The following EZH2 variants were observed in gnomAD, a reference collection of about 807,000 sequenced individuals.
The protein encoded by EZH2 is histone-lysine N-methyltransferase EZH2.
In EZH2, 18 loss-of-function variants were observed where a neutral mutation model predicts 98.4. That is an observed-to-expected ratio of 0.18 (90% CI 0.13 to 0.27). The LOEUF (loss-of-function observed/expected upper bound fraction) is 0.27. Among genes scored for constraint, EZH2 ranks in the 10% least tolerant of loss-of-function variants. The probability of loss-of-function intolerance (pLI) is 1.00; values close to 1 mark genes in which losing one functional copy is unlikely to be tolerated. For missense variants in EZH2, 470 were observed against 935.1 expected (o/e 0.50, Z 6.49); for synonymous variants, 338 against 312.3 (o/e 1.08, Z -0.87).
chr7:148,817,183 T>G, intron 11 of EZH2, 39 bp downstream of exon 11: 1 of 1,582,526 alleles, frequency 6.3e-7, no homozygotes, highest in Non-Finnish European at 8.6e-7. Flanking sequence ...ATCTCTATGT[T>G]TGAAGCTCTT....
In EZH2 at chr7:148,829,855, G is replaced by A. The variant is rs192314407; in HGVS notation, c.364-7C>T. ...AAACAGTTTCATCTTCCACCTAAAA[G>A]AAAAAAATATATTTAAAAAGCAGGT... On this transcript the variant is annotated splice_polypyrimidine_tract_variant and splice_region_variant and intron_variant, in intron 4 of 19. Transcript: ENST00000320356. 6 of 1,537,562 alleles carry A rather than the reference G, an allele frequency of 3.9e-6. No individual in the cohort carries two copies. The highest frequency in any genetic ancestry group is 2.8e-5 in the African/African-American group (2 of 71,390).
At chr7:148,852,111 T>C (rs969261936) in intron 1 of EZH2, among the ~76,000 whole-genome samples, 4 of 152,168 alleles carry the variant, frequency 2.6e-5, no homozygotes, top group African/African-American at 7.2e-5. Context: ...TCTACCTGTA[T>C]ACAGTGAAAC....
At chr7:148,867,903 G>C (rs893320349) in intron 1 of EZH2, among the ~76,000 whole-genome samples, 1 of 152,294 alleles carries the variant, frequency 6.6e-6, no homozygotes, top group East Asian at 1.9e-4. Flanking sequence ...CAGATCCCTA[G>C]AGCAGGAGCA....
intron 4 of EZH2, among the ~76,000 whole-genome samples, chr7:148,831,683 A>G (rs1436397962): frequency 6.6e-6 from 1 of 152,238 alleles, no homozygotes; most frequent in Non-Finnish European, 1.5e-5. Context: ...ACAACTACAG[A>G]AGAGTAACTG....
chr7:148,823,891 A>G (rs969764185), intron 8 of EZH2, among the ~76,000 whole-genome samples: 12 of 152,194 alleles, frequency 7.9e-5, no homozygotes. Flanking sequence ...AATAGCTAAC[A>G]AGAGCCAGGT....
intron 1 of EZH2, among the ~76,000 whole-genome samples, chr7:148,848,983 C>G (rs974725466): frequency 6.6e-6 from 1 of 152,010 alleles, no homozygotes; most frequent in African/African-American, 2.4e-5. Flanking sequence ...TTTAAATCAC[C>G]TCTAGATTAC....
chr7:148,813,134 C>T (rs1803604730), intron 15 of EZH2, among the ~76,000 whole-genome samples: 1 of 152,012 alleles, frequency 6.6e-6, no homozygotes, highest in South Asian at 2.1e-4. Flanking sequence ...ATCTCCTGCT[C>T]CTTTACAAGT....
intron 1 of EZH2, among the ~76,000 whole-genome samples, chr7:148,855,685 G>A (rs907668830): frequency 6.6e-6 from 1 of 151,994 alleles, no homozygotes; most frequent in Non-Finnish European, 1.5e-5. Flanking sequence ...GGATCATGAG[G>A]TCAAGAGTTC....
chr7:148,851,249 G>C (rs1365039937), intron 1 of EZH2, among the ~76,000 whole-genome samples: 1 of 151,952 alleles, frequency 6.6e-6, no homozygotes, highest in Non-Finnish European at 1.5e-5. Flanking sequence ...TAAATCGCAG[G>C]GTCAGTTAGG....
chr7:148,860,798 GGT>G (rs1817557026), intron 1 of EZH2, among the ~76,000 whole-genome samples: 1 of 152,058 alleles, frequency 6.6e-6, no homozygotes, highest in Non-Finnish European at 1.5e-5. Flanking sequence ...CAACTTCCCA[GGT>G]AGCTGGGACC....
rs1213529132 is a variant in EZH2, at chr7:148,859,063, A to G, written c.-7-11758T>C. On this transcript the variant is annotated intron_variant, in intron 1 of 19. Transcript: ENST00000320356. ...TTGAGTTTGCAGTTGAATAAAGAAAAGAAGGGTTAATATGCATTCATTAAG... is the reference window on the plus strand; with the variant it reads ...TTGAGTTTGCAGTTGAATAAAGAAAGGAAGGGTTAATATGCATTCATTAAG... Among the ~76,000 whole-genome samples, 3 of 152,272 alleles carry G rather than the reference A, an allele frequency of 2.0e-5. No homozygotes were observed. The East Asian group carries it at 5.8e-4, about 29-fold the overall frequency.
At chr7:148,809,445 C>A (rs913387598) in intron 17 of EZH2, 55 bp from the exon 18 acceptor site, 29 of 1,405,880 alleles carry the variant, frequency 2.1e-5, no homozygotes, top group Non-Finnish European at 2.9e-5. Flanking sequence ...ATAAGTAAAC[C>A]AAGTTATTAT....
At chr7:148,859,125 A>G (rs1043990355) in intron 1 of EZH2, among the ~76,000 whole-genome samples, 32 of 152,250 alleles carry the variant, frequency 2.1e-4, no homozygotes, top group Admixed American at 2.0e-3. Flanking sequence ...TACAAGCCAG[A>G]GACTACAATA....
intron 16 of EZH2, among the ~76,000 whole-genome samples, chr7:148,810,896 CAAAAA>C (rs924758768): frequency 4.6e-5 from 2 of 43,672 alleles, no homozygotes; most frequent in African/African-American, 1.7e-4. Flanking sequence ...AACTCTGTCT[CAAAAA>C]AAAAAAAAAA....
chr7:148,852,742 T>C (rs1387274825), intron 1 of EZH2, among the ~76,000 whole-genome samples: 1 of 152,170 alleles, frequency 6.6e-6, no homozygotes, highest in African/African-American at 2.4e-5. Flanking sequence ...AAGCCCTAAG[T>C]CAGGCAGACC....
chr7:148,884,122 C>G (rs1444088321), intron 1 of EZH2, 42 bp downstream of exon 1: 9 of 151,048 alleles, frequency 6.0e-5, no homozygotes. Context: ...GGTTCGCACT[C>G]CCGGAGCCCC....
chr7:148,870,655 T>C (rs376277453), intron 1 of EZH2, among the ~76,000 whole-genome samples: 2 of 149,598 alleles, frequency 1.3e-5, no homozygotes, highest in Non-Finnish European at 3.0e-5. Context: ...TGAGCCATCA[T>C]CGTGCCACTG....
intron 1 of EZH2, among the ~76,000 whole-genome samples, chr7:148,881,387 T>C (rs116244848): frequency 0.013 from 1,932 of 152,286 alleles, 36 homozygotes; most frequent in African/African-American, 0.044. Flanking sequence ...CATAAAGATA[T>C]TCACTTAAAT....
intron 3 of EZH2, among the ~76,000 whole-genome samples, chr7:148,837,716 G>A (rs1161625172): frequency 1.3e-5 from 2 of 152,178 alleles, no homozygotes; most frequent in Non-Finnish European, 2.9e-5. Flanking sequence ...GAAAAGAAAT[G>A]AGTCGCTCCA....
Sources: gnomAD v4.1 joint callset for allele counts (sites outside exome capture counted in the v4.1 genomes callset) on GRCh38, gnomAD v4.1.1 for gene constraint, MANE v1.5 for transcripts, NCBI Gene and HGNC (gene_info 2026-07-23, HGNC 2026-07-21) for gene names.